The following TENM3 variants were observed in gnomAD, a reference collection of about 807,000 sequenced individuals.
The protein encoded by TENM3 is teneurin-3.
In TENM3, 63 loss-of-function variants were observed where a neutral mutation model predicts 255.1. The observed-to-expected ratio is 0.25, with a 90% CI of 0.20 to 0.30. The LOEUF (loss-of-function observed/expected upper bound fraction) is 0.30, where lower values mean the gene tolerates loss of function less well. Among genes scored for constraint, TENM3 ranks in the 10% least tolerant of loss-of-function variants. The pLI, the probability that TENM3 is intolerant of heterozygous loss-of-function variation, is 1.00. For synonymous variants in TENM3, 1,306 were observed against 1,322.3 expected (o/e 0.99, Z 0.27); for missense variants, 2,929 against 3,461.1 (o/e 0.85, Z 3.86).
At chr4:182,031,016 T>C in the TENM3 span, among the ~76,000 whole-genome samples, 1 of 152,354 alleles carries the variant, frequency 6.6e-6, no homozygotes, top group African/African-American at 2.4e-5. Context: ...CTCTTTGCTC[T>C]GATGATAGTT....
chr4:181,705,425 T>C, the TENM3 span, among the ~76,000 whole-genome samples: 1 of 152,230 alleles, frequency 6.6e-6, no homozygotes, highest in Non-Finnish European at 1.5e-5. Flanking sequence ...CTTTGGAGTC[T>C]GTATAGCAGG....
chr4:182,490,201 T>C (rs1304704529), intron 3 of TENM3, among the ~76,000 whole-genome samples: 1 of 152,212 alleles, frequency 6.6e-6, no homozygotes, highest in Non-Finnish European at 1.5e-5. Context: ...AATGATGATG[T>C]TGTTACGTGA....
chr4:182,484,457 A>G (rs534158901), intron 3 of TENM3, among the ~76,000 whole-genome samples: 1 of 152,282 alleles, frequency 6.6e-6, no homozygotes, highest in East Asian at 1.9e-4. Context: ...AACAGTGGTA[A>G]TACTTTACCT....
the TENM3 span, among the ~76,000 whole-genome samples, chr4:182,116,909 AG>A: frequency 1.3e-5 from 2 of 152,250 alleles, no homozygotes; most frequent in Non-Finnish European, 2.9e-5. Context: ...CATTACCAGC[AG>A]CAATAAATGA....
chr4:182,443,580 C>G (rs978320709), intron 3 of TENM3, among the ~76,000 whole-genome samples: 7 of 152,176 alleles, frequency 4.6e-5, no homozygotes, highest in Non-Finnish European at 1.0e-4. Context: ...CTCTCCTGCT[C>G]TCACCACCAG....
In TENM3 at chr4:182,427,795, G is replaced by A. The variant is rs146603865; in HGVS notation, c.511+80866G>A. Among the ~76,000 whole-genome samples the A allele has an allele frequency of 4.3e-3, 653 of 152,228 alleles. 2 individuals carry two copies. The highest frequency in any genetic ancestry group is 0.015 in the African/African-American group (632 of 41,540). On this transcript the variant is annotated intron_variant, in intron 3 of 27. Coordinates refer to ENST00000511685, the MANE Select transcript of TENM3 (RefSeq NM_001080477.4). ...GGAATTCAGACACATACACAGTATGGACCCAGAAATCTTGCCAAGAAAAGT... is the reference window on the plus strand; with the variant it reads ...GGAATTCAGACACATACACAGTATGAACCCAGAAATCTTGCCAAGAAAAGT...
At chr4:182,188,175 T>C (rs1561180053) in intron 1 of TENM3, among the ~76,000 whole-genome samples, 1 of 152,188 alleles carries the variant, frequency 6.6e-6, no homozygotes, top group Non-Finnish European at 1.5e-5. Flanking sequence ...CACTTTGTTA[T>C]AGTATTTGAA....
chr4:182,275,306 C>G (rs757257333), intron 1 of TENM3, among the ~76,000 whole-genome samples: 9 of 152,116 alleles, frequency 5.9e-5, no homozygotes, highest in Admixed American at 5.9e-4. Flanking sequence ...CCCCTGGGCA[C>G]GTATGAGACA....
chr4:181,531,258 T>C, the TENM3 span, among the ~76,000 whole-genome samples: 1 of 152,162 alleles, frequency 6.6e-6, no homozygotes, highest in Non-Finnish European at 1.5e-5. Flanking sequence ...AAACTCACGA[T>C]GATCATCTGA....
the TENM3 span, among the ~76,000 whole-genome samples, chr4:181,653,389 TTTTGTTTTG>T: frequency 6.7e-6 from 1 of 149,968 alleles, no homozygotes; most frequent in African/African-American, 2.5e-5. Flanking sequence ...CAATCCATTG[TTTTGTTTTG>T]TTTGTTTGTT....
the TENM3 span, among the ~76,000 whole-genome samples, chr4:182,128,834 A>C: frequency 1.3e-5 from 2 of 152,216 alleles, no homozygotes; most frequent in African/African-American, 4.8e-5. Context: ...AACTTCAGAA[A>C]TTACCTTTGA....
chr4:181,925,172 T>A, the TENM3 span, among the ~76,000 whole-genome samples: 1 of 152,180 alleles, frequency 6.6e-6, no homozygotes, highest in Non-Finnish European at 1.5e-5. Flanking sequence ...TCAGCACACT[T>A]ACATTTAACA....
chr4:182,137,616 T>G, the TENM3 span, among the ~76,000 whole-genome samples: 1 of 152,210 alleles, frequency 6.6e-6, no homozygotes. Flanking sequence ...TTCAGTTCCC[T>G]GCTGTGCTCC....
At chr4:182,785,006 A>AC (rs1462436817) in intron 24 of TENM3, among the ~76,000 whole-genome samples, 2 of 152,000 alleles carry the variant, frequency 1.3e-5, no homozygotes, top group Non-Finnish European at 2.9e-5. Flanking sequence ...TGCAGAAATC[A>AC]CCGTCTTCGG....
intron 3 of TENM3, among the ~76,000 whole-genome samples, chr4:182,499,953 C>T (rs1241585833): frequency 2.0e-5 from 3 of 152,096 alleles, no homozygotes; most frequent in Non-Finnish European, 4.4e-5. Context: ...TGTACAAAAG[C>T]TTTTTCCATC....
chr4:181,804,686 C>T, the TENM3 span, among the ~76,000 whole-genome samples: 1 of 151,904 alleles, frequency 6.6e-6, no homozygotes, highest in Non-Finnish European at 1.5e-5. Flanking sequence ...TTAAAAAGAC[C>T]ACTTTAACTA....
chr4:181,662,454 T>C, the TENM3 span, among the ~76,000 whole-genome samples: 1 of 152,236 alleles, frequency 6.6e-6, no homozygotes, highest in South Asian at 2.1e-4. Flanking sequence ...ATCATCATAT[T>C]AGTCTATTAC....
At chr4:181,922,532 G>C in the TENM3 span, among the ~76,000 whole-genome samples, 2 of 151,998 alleles carry the variant, frequency 1.3e-5, no homozygotes, top group Admixed American at 6.6e-5. Context: ...AGAGGTGTTT[G>C]TAGTATTCTC....
the TENM3 span, among the ~76,000 whole-genome samples, chr4:181,815,296 C>CAA: frequency 2.6e-3 from 322 of 123,196 alleles, 6 homozygotes; most frequent in African/African-American, 6.9e-3. Context: ...TACAAAAATA[C>CAA]AAAAAAAAAA....
Sources: gnomAD v4.1 joint callset for allele counts (sites outside exome capture counted in the v4.1 genomes callset) on GRCh38, gnomAD v4.1.1 for gene constraint, MANE v1.5 for transcripts, NCBI Gene and HGNC (gene_info 2026-07-23, HGNC 2026-07-21) for gene names.